The following BZW2 variants were observed in gnomAD, a reference collection of about 807,000 sequenced individuals.
The protein encoded by BZW2 is basic leucine zipper and W2 domains 2.
In BZW2, 23 loss-of-function variants were observed where a neutral mutation model predicts 53.2. The observed-to-expected ratio is 0.43, with a 90% confidence interval of 0.31 to 0.61. The LOEUF (loss-of-function observed/expected upper bound fraction) is 0.61. Ranked by LOEUF, BZW2 falls within the 20% of genes least tolerant of loss-of-function variation. The probability of loss-of-function intolerance (pLI) is 0.09; values close to 1 mark genes in which losing one functional copy is unlikely to be tolerated. For synonymous variants in BZW2, 227 were observed against 186.4 expected, an observed-to-expected ratio of 1.22 and a Z score of -1.77; for missense variants, 409 against 503.1, an observed-to-expected ratio of 0.81 and a Z score of 1.79.
intron 1 of BZW2, among the ~76,000 whole-genome samples, chr7:16,659,261 A>G (rs1782193633): frequency 6.6e-6 from 1 of 152,104 alleles, no homozygotes; most frequent in Admixed American, 6.5e-5. Context: ...TTTTTTTTCA[A>G]TTATTATAAA....
At chr7:16,672,209 A>G (rs1157628569) in intron 2 of BZW2, among the ~76,000 whole-genome samples, 5 of 152,110 alleles carry the variant, frequency 3.3e-5, no homozygotes, top group Non-Finnish European at 5.9e-5. Context: ...CTTGGAAACA[A>G]TCTTTCATTT....
chr7:16,666,238 G>A (rs1583710498), intron 2 of BZW2, among the ~76,000 whole-genome samples: 2 of 151,730 alleles, frequency 1.3e-5, no homozygotes, highest in African/African-American at 4.8e-5. Context: ...GGGACTATAG[G>A]TGCACACCAC....
intron 3 of BZW2, among the ~76,000 whole-genome samples, chr7:16,678,006 G>A (rs1182973326): frequency 1.3e-5 from 2 of 151,036 alleles, no homozygotes; most frequent in African/African-American, 4.9e-5. Flanking sequence ...CCAGCTAGGT[G>A]CATTCTTCTT....
At chr7:16,656,558 C>CACACACAT (rs923939584) in intron 1 of BZW2, among the ~76,000 whole-genome samples, 4 of 16,186 alleles carry the variant, frequency 2.5e-4, no homozygotes, top group African/African-American at 4.8e-4. Context: ...CGCGCGCGCA[C>CACACACAT]ACACACACAC....
At chr7:16,655,910 T>A (rs1782108701) in intron 1 of BZW2, among the ~76,000 whole-genome samples, 1 of 152,262 alleles carries the variant, frequency 6.6e-6, no homozygotes, top group Non-Finnish European at 1.5e-5. Context: ...TGAGAGTAGG[T>A]TGCATACACT....
At chr7:16,697,236 C>T (rs780196396) in intron 9 of BZW2, among the ~76,000 whole-genome samples, 175 bp downstream of exon 9, 1 of 152,154 alleles carries the variant, frequency 6.6e-6, no homozygotes, top group South Asian at 2.1e-4. Flanking sequence ...ACTACAGGCG[C>T]GTGCCACCAC....
chr7:16,689,592 TTTTAA>T (rs1178541935), intron 6 of BZW2, among the ~76,000 whole-genome samples, 200 bp from the exon 7 acceptor site: 11 of 152,260 alleles, frequency 7.2e-5, no homozygotes, highest in African/African-American at 2.4e-4. Context: ...TTGAAAAATA[TTTTAA>T]TTTATTTTCC....
intron 9 of BZW2, 35 bp from the exon 10 acceptor site, chr7:16,698,013 C>T: frequency 6.2e-7 from 1 of 1,612,586 alleles, no homozygotes; most frequent in Non-Finnish European, 8.5e-7. Context: ...ACCTCCCACG[C>T]AAGTGACGGC....
At chr7:16,665,918 A>G (rs1782410010) in intron 2 of BZW2, among the ~76,000 whole-genome samples, 1 of 151,046 alleles carries the variant, frequency 6.6e-6, no homozygotes, top group South Asian at 2.1e-4. Flanking sequence ...TCAGAAATGA[A>G]GAAGTCAAAA....
At chr7:16,697,161 C>T in intron 9 of BZW2, 100 bp downstream of exon 9, 1 of 1,363,916 alleles carries the variant, frequency 7.3e-7, no homozygotes, top group South Asian at 1.5e-5. Flanking sequence ...ACGATCTGCG[C>T]TCACTGCAAC....
At chr7:16,705,167 G>A (rs1266245683) in intron 11 of BZW2, among the ~76,000 whole-genome samples, 1 of 151,592 alleles carries the variant, frequency 6.6e-6, no homozygotes, top group Non-Finnish European at 1.5e-5. Context: ...GAGCAGGCTG[G>A]CCAACATAGT....
chr7:16,649,167 C>T (rs528671997), intron 1 of BZW2, among the ~76,000 whole-genome samples: 4 of 152,142 alleles, frequency 2.6e-5, no homozygotes, highest in Non-Finnish European at 5.9e-5. Flanking sequence ...TCATCGCATT[C>T]TATTATAGTT....
intron 11 of BZW2, 30 bp downstream of exon 11, chr7:16,704,699 C>T: frequency 6.6e-7 from 1 of 1,514,808 alleles, no homozygotes; most frequent in East Asian, 2.3e-5. Flanking sequence ...CATTGATGAC[C>T]TTTAAACACT....
intron 1 of BZW2, among the ~76,000 whole-genome samples, chr7:16,649,741 A>T (rs1781943721): frequency 6.6e-6 from 1 of 152,186 alleles, no homozygotes; most frequent in African/African-American, 2.4e-5. Flanking sequence ...TTTTTAAAAG[A>T]TTACTTATCT....
chr7:16,654,848 T>C (rs1182629632), intron 1 of BZW2, among the ~76,000 whole-genome samples: 1 of 152,138 alleles, frequency 6.6e-6, no homozygotes, highest in Non-Finnish European at 1.5e-5. Context: ...CTGTATACTA[T>C]ACTGTGTTTA....
At chr7:16,653,926 T>A (rs1342805331) in intron 1 of BZW2, among the ~76,000 whole-genome samples, 1 of 151,688 alleles carries the variant, frequency 6.6e-6, no homozygotes, top group Admixed American at 6.6e-5. Context: ...TGTTATTACT[T>A]TAAAGTTTTA....
chr7:16,692,480 G>C (rs1227911739), intron 7 of BZW2, among the ~76,000 whole-genome samples: 1 of 151,952 alleles, frequency 6.6e-6, no homozygotes, highest in Non-Finnish European at 1.5e-5. Flanking sequence ...AATTAAGTAG[G>C]GGCCAGGTGT....
chr7:16,701,317 T>C (rs891492606), intron 10 of BZW2, among the ~76,000 whole-genome samples: 1 of 152,202 alleles, frequency 6.6e-6, no homozygotes, highest in Non-Finnish European at 1.5e-5. Flanking sequence ...TGGTCTAAAA[T>C]GTGTAAAACT....
At position 16,682,767 on chromosome 7, in the gene BZW2, G is replaced by GTT. The variant is rs34052310; in HGVS notation, c.340-4_340-3dup. The GTT allele has an allele frequency of 4.9e-4, 655 of 1,323,294 alleles. No homozygotes were observed. The African/African-American group carries it at 5.4e-3, about 11-fold the overall frequency. The allele number at this position is 1,323,294 out of a possible 1,614,324, so 82.0% of individuals were successfully genotyped here. A position where few individuals can be genotyped will look rare whatever the true frequency, so the allele number is the denominator to read the frequency against. ...TTGGTTGACCTAATATTTAATGGTTGTTTTTTTTTTAGGTCTTCAATAAAC... is the reference window on the plus strand; with the variant it reads ...TTGGTTGACCTAATATTTAATGGTTGTTTTTTTTTTTTAGGTCTTCAATAAAC... On this transcript the variant is annotated splice_polypyrimidine_tract_variant and intron_variant, in intron 4 of 11. Coordinates refer to ENST00000258761, the MANE Select transcript of BZW2 (RefSeq NM_014038.3).
Sources: gnomAD v4.1 joint callset for allele counts (sites outside exome capture counted in the v4.1 genomes callset) on GRCh38, gnomAD v4.1.1 for gene constraint, MANE v1.5 for transcripts, NCBI Gene and HGNC (gene_info 2026-07-23, HGNC 2026-07-21) for gene names.